FMNL2: variants seen among roughly 807,000 people sequenced by gnomAD.
The protein encoded by FMNL2 is formin-like protein 2.
A neutral mutation model predicts 130.2 loss-of-function variants in FMNL2; 51 were observed. That is an observed-to-expected ratio of 0.39 (90% confidence interval 0.31 to 0.49). The LOEUF is 0.49. Ranked by LOEUF, FMNL2 falls within the 20% of genes least tolerant of loss-of-function variation. The pLI, the probability that FMNL2 is intolerant of heterozygous loss-of-function variation, is 0.85. For synonymous variants in FMNL2, 465 were observed against 467.1 expected (o/e 1.00, Z 0.06); for missense variants, 977 against 1,316.2 (o/e 0.74, Z 3.99).
intron 6 of FMNL2, among the ~76,000 whole-genome samples, chr2:152,567,248 A>AT (rs1207356416): frequency 1.3e-5 from 2 of 152,184 alleles, no homozygotes; most frequent in African/African-American, 4.8e-5. Flanking sequence ...AATCAGGCTA[A>AT]TAGTGACTCT....
chr2:152,554,757 A>C (rs1158191095), intron 4 of FMNL2, among the ~76,000 whole-genome samples: 1 of 152,180 alleles, frequency 6.6e-6, no homozygotes, highest in Non-Finnish European at 1.5e-5. Context: ...TATTTGAGTA[A>C]ATGTCTGCCA....
intron 1 of FMNL2, among the ~76,000 whole-genome samples, chr2:152,510,919 G>A (rs115488382): frequency 1.3e-5 from 2 of 152,292 alleles, no homozygotes; most frequent in Non-Finnish European, 2.9e-5. Context: ...CAGTGTTACT[G>A]TGTGTTTGGA....
At chr2:152,469,352 C>T (rs1436730572) in intron 1 of FMNL2, among the ~76,000 whole-genome samples, 1 of 152,190 alleles carries the variant, frequency 6.6e-6, no homozygotes. Flanking sequence ...CTTGGGACAC[C>T]CCATGCCTTG....
intron 8 of FMNL2, among the ~76,000 whole-genome samples, chr2:152,579,548 A>C (rs1487642348): frequency 6.6e-6 from 1 of 152,078 alleles, no homozygotes; most frequent in African/African-American, 2.4e-5. Flanking sequence ...AATACAAAAA[A>C]TTAGCCAGAC....
chr2:152,648,142 G>A lies in FMNL2; in HGVS notation c.*237G>A, dbSNP rs1683781736. ...AAAGCAATAGGATTTGATTTGATTA[G>A]GTATCTTTTTACACCAGTATGTTAT... On this transcript the variant is annotated 3_prime_UTR_variant, in exon 26 of 26. Coordinates refer to ENST00000288670, the MANE Select transcript of FMNL2 (RefSeq NM_052905.4). 2.2e-6 allele frequency: 1 copy of A among 461,476 alleles called. No individual in the cohort carries two copies. Among genetic ancestry groups the A allele is most frequent in the Non-Finnish European group, 3.8e-6 (1 of 262,446 alleles). The allele number at this position is 461,476 out of a possible 1,614,324, so 28.6% of individuals were successfully genotyped here.
At chr2:152,432,094 A>C (rs1418992811) in intron 1 of FMNL2, among the ~76,000 whole-genome samples, 1 of 151,696 alleles carries the variant, frequency 6.6e-6, no homozygotes, top group Non-Finnish European at 1.5e-5. Flanking sequence ...AATTTTATGA[A>C]ATGTGGTTTA....
At chr2:152,572,831 G>A (rs1579991723) in intron 6 of FMNL2, among the ~76,000 whole-genome samples, 1 of 151,042 alleles carries the variant, frequency 6.6e-6, no homozygotes, top group Non-Finnish European at 1.5e-5. Context: ...TTACTCACAT[G>A]GTAATTAAAG....
At chr2:152,413,583 A>G (rs1310176817) in intron 1 of FMNL2, among the ~76,000 whole-genome samples, 1 of 152,188 alleles carries the variant, frequency 6.6e-6, no homozygotes, top group East Asian at 1.9e-4. Flanking sequence ...TCCATGATTA[A>G]TGGTGTCCCC....
At chr2:152,619,856 G>T in intron 15 of FMNL2, 138 bp downstream of exon 15, 120 of 1,460,490 alleles carry the variant, frequency 8.2e-5, no homozygotes. Context: ...TCCTGCTGAT[G>T]TAGCCGATAG....
At chr2:152,470,005 A>G in intron 1 of FMNL2, among the ~76,000 whole-genome samples, 1 of 152,206 alleles carries the variant, frequency 6.6e-6, no homozygotes, top group East Asian at 1.9e-4. Context: ...AACCTTTTTA[A>G]AAATGAATGT....
chr2:152,537,740 A>G (rs1190517052), intron 2 of FMNL2, among the ~76,000 whole-genome samples: 1 of 152,250 alleles, frequency 6.6e-6, no homozygotes, highest in Non-Finnish European at 1.5e-5. Context: ...AGAATAGAAC[A>G]TGTTTCCACC....
At chr2:152,455,611 CA>C (rs2105093303) in intron 1 of FMNL2, among the ~76,000 whole-genome samples, 1 of 152,336 alleles carries the variant, frequency 6.6e-6, no homozygotes, top group African/African-American at 2.4e-5. Context: ...ATGAATACAA[CA>C]CAGTTCTTCA....
chr2:152,374,756 C>A (rs981792121), intron 1 of FMNL2, among the ~76,000 whole-genome samples: 2 of 152,192 alleles, frequency 1.3e-5, no homozygotes, highest in African/African-American at 4.8e-5. Flanking sequence ...CAACTGGCTG[C>A]TAGATCATCG....
At chr2:152,376,198 A>G (rs1301864585) in intron 1 of FMNL2, among the ~76,000 whole-genome samples, 11 of 152,134 alleles carry the variant, frequency 7.2e-5, no homozygotes, top group Non-Finnish European at 1.5e-4. Flanking sequence ...TCCAGCCACT[A>G]TAATTGATTT....
chr2:152,471,711 C>A (rs1377795626), intron 1 of FMNL2, among the ~76,000 whole-genome samples: 1 of 151,988 alleles, frequency 6.6e-6, no homozygotes, highest in Non-Finnish European at 1.5e-5. Context: ...GGCTTGGAGG[C>A]CTGTTACGAG....
At chr2:152,519,916 A>C (rs1692990178) in intron 1 of FMNL2, among the ~76,000 whole-genome samples, 1 of 152,220 alleles carries the variant, frequency 6.6e-6, no homozygotes. Flanking sequence ...TTAATGCATA[A>C]TTATAGCTGG....
chr2:152,640,078 A>G (rs147403024), intron 24 of FMNL2, 22 bp downstream of exon 24: 2 of 1,532,718 alleles, frequency 1.3e-6, no homozygotes, highest in Admixed American at 4.3e-5. Context: ...CGCACTCATG[A>G]GACAGGTCCG....
chr2:152,533,256 G>A (rs1465968032), intron 2 of FMNL2, among the ~76,000 whole-genome samples: 3 of 152,126 alleles, frequency 2.0e-5, no homozygotes, highest in Non-Finnish European at 4.4e-5. Flanking sequence ...TAAGGGTGGA[G>A]TTGTACTTTT....
At chr2:152,583,032 C>A (rs1231904427) in intron 9 of FMNL2, among the ~76,000 whole-genome samples, 3 of 152,126 alleles carry the variant, frequency 2.0e-5, no homozygotes, top group Non-Finnish European at 4.4e-5. Context: ...CCCACAGATA[C>A]TTGCAGAATT....
Sources: allele counts gnomAD v4.1 joint callset (sites outside exome capture counted in the v4.1 genomes callset), GRCh38; gene constraint gnomAD v4.1.1; transcripts MANE v1.5; gene names NCBI Gene and HGNC (gene_info 2026-07-23, HGNC 2026-07-21).